Variants in MOV10 observed in about 807,000 individuals in gnomAD.
The protein encoded by MOV10 is RNA helicase MOV-10.
MOV10 carries 39 observed loss-of-function variants against 108.4 expected under a neutral mutation model. The observed-to-expected ratio is 0.36, with a 90% confidence interval of 0.28 to 0.47. The LOEUF (loss-of-function observed/expected upper bound fraction) is 0.47, where lower values mean the gene tolerates loss of function less well. Among genes scored for constraint, MOV10 ranks in the 20% least tolerant of loss-of-function variants. The pLI, the probability that MOV10 is intolerant of heterozygous loss-of-function variation, is 1.00. For synonymous variants in MOV10, 490 were observed against 523.1 expected (o/e 0.94, Z 0.86); for missense variants, 952 against 1,297.6 (o/e 0.73, Z 4.09).
rs1673915562 is a variant in MOV10 at position 112,694,779 on chromosome 1, A to G, written c.1503A>G (p.Pro501=). ...KLYDRSLESN[P]EQLQAMRHIV... The stretch of plus-strand genomic sequence containing the variant: ...ACGACCGGAGTCTGGAGTCAAACCC[A>G]GAGCAGCTGCAGGCCATGAGGCACA... The change falls in exon 10 of 21, where the codon CCA becomes CCG. Residue 501 remains proline (P), a synonymous_variant. Transcript: ENST00000369645. The surrounding 1 kb of genome is among the most constrained non-coding windows in gnomAD (Gnocchi z 4.1). The G allele has an allele frequency of 2.5e-6, 4 of 1,614,156 alleles. No homozygotes were observed. Among genetic ancestry groups the G allele is most frequent in the African/African-American group, 1.3e-5 (1 of 75,052 alleles).
intron 2 of MOV10, among the ~76,000 whole-genome samples, chr1:112,680,736 TCTGTCA>T (rs1256541188): frequency 1.4e-4 from 19 of 136,334 alleles, no homozygotes; most frequent in African/African-American, 4.8e-4. Context: ...TAAATCTCTC[TCTGTCA>T]CTTAGGCTGG....
At chr1:112,677,571 T>C (rs1468286365) in intron 2 of MOV10, among the ~76,000 whole-genome samples, 1 of 152,108 alleles carries the variant, frequency 6.6e-6, no homozygotes, top group Non-Finnish European at 1.5e-5. Flanking sequence ...CATCTCCTCC[T>C]GGTACCAAAT....
In MOV10 at chr1:112,698,618, C is replaced by T. The variant is rs1020924227; in HGVS notation, c.2509-97C>T. On this transcript the variant is annotated intron_variant, in intron 16 of 20. Transcript: ENST00000369645. The stretch of plus-strand genomic sequence containing the variant: ...TCAGAAGAGCACCAAGGTCAGCTGC[C>T]GCCTCCCTTTGTTCCCCAGCTCCCT... The T allele has an allele frequency of 6.8e-6, 10 of 1,462,436 alleles. No individual in the cohort carries two copies. In the African/African-American group the frequency reaches 9.8e-5, roughly 14 times the overall value. 90.6% of individuals were successfully genotyped at this position (1,462,436 alleles called of 1,614,324 possible). A position where few individuals can be genotyped will look rare whatever the true frequency, so the allele number is the denominator to read the frequency against.
rs750129815 is a variant in MOV10 at position 112,699,881 on chromosome 1, T to G, written c.2710-13T>G. 3.7e-6 allele frequency: 6 copies of G among 1,613,974 alleles called. No homozygotes were observed. In the African/African-American group the frequency reaches 5.3e-5, roughly 14 times the overall value. On this transcript the variant is annotated splice_polypyrimidine_tract_variant and intron_variant, in intron 18 of 20. Coordinates refer to ENST00000369645, the MANE Select transcript of MOV10 (RefSeq NM_001321324.2). Reference sequence around the variant, plus strand: ...CTCTTCCCTCCCATGACCACACCACTTCTTCCTTCCAGAGGTTCAATGTAG... The same window carrying G: ...CTCTTCCCTCCCATGACCACACCACGTCTTCCTTCCAGAGGTTCAATGTAG...
At chr1:112,685,121 G>A (rs1672967006) in intron 2 of MOV10, 1 of 151,470 alleles carries the variant, frequency 6.6e-6, no homozygotes, top group Admixed American at 6.6e-5. Context: ...CTGGGCTCAA[G>A]TGATCCTTCT....
chr1:112,674,986 G>C lies in MOV10; in HGVS notation c.74G>C (p.Gly25Ala), dbSNP rs1339040561. Reference sequence around the variant, plus strand: ...TTCGAGAGTTTCCTGGTCGTTCGGGGACTGGACATGGAGACAGATCGCGAG... The same window carrying C: ...TTCGAGAGTTTCCTGGTCGTTCGGGCACTGGACATGGAGACAGATCGCGAG... ...QCFESFLVVRGLDMETDRERL... is the reference protein window; with the variant it reads ...QCFESFLVVRALDMETDRERL... Residue 25 changes from glycine (G) to alanine (A), a missense_variant, in exon 2 of 21, where the codon GGA becomes GCA. Transcript: ENST00000369645. The C allele has an allele frequency of 6.3e-7, 1 of 1,583,282 alleles. No individual in the cohort carries two copies. Among genetic ancestry groups the C allele is most frequent in the Non-Finnish European group, 8.6e-7 (1 of 1,165,848 alleles).
intron 7 of MOV10, chr1:112,693,687 T>TTTA (rs761022743): frequency 5.8e-5 from 8 of 137,902 alleles, no homozygotes; most frequent in Non-Finnish European, 7.7e-5. Context: ...TTTTTTTTTT[T>TTTA]AATTATTTTT....
chr1:112,683,705 G>C (rs1423434620), intron 2 of MOV10, among the ~76,000 whole-genome samples: 1 of 152,162 alleles, frequency 6.6e-6, no homozygotes, highest in Non-Finnish European at 1.5e-5. Flanking sequence ...ATTTGAGTGG[G>C]TGTGGTACAT....
At chr1:112,689,377 T>TGCCCCCC in intron 3 of MOV10, 38 bp from the exon 4 acceptor site, 7 of 792,714 alleles carry the variant, frequency 8.8e-6, no homozygotes, top group African/African-American at 1.7e-5. Flanking sequence ...GTCAGACCGC[T>TGCCCCCC]CCCACCCCAA....
At chr1:112,686,794 C>T (rs767243907) in intron 2 of MOV10, among the ~76,000 whole-genome samples, 2 of 152,244 alleles carry the variant, frequency 1.3e-5, no homozygotes, top group Non-Finnish European at 2.9e-5. Context: ...TCTTCCCAGC[C>T]TTCATTCCCC....
Position 112,693,013 on chromosome 1 carries a change from G to A in MOV10, c.1140+84G>A, listed in dbSNP as rs1673723464. On this transcript the variant is annotated intron_variant, in intron 7 of 20. Coordinates refer to ENST00000369645, the MANE Select transcript of MOV10 (RefSeq NM_001321324.2). ...TGGGCAGAACTATTCCTGACAGCAG[G>A]GCAGAACAAGAGGAAAGTTGAAGTG... is the stretch of plus-strand genomic sequence containing the variant. 6 of 1,335,948 alleles carry A rather than the reference G, an allele frequency of 4.5e-6. No homozygotes were observed. In the Admixed American group the frequency reaches 1.3e-4, roughly 29 times the overall value. 82.8% of individuals were successfully genotyped at this position (1,335,948 alleles called of 1,614,324 possible).
At chr1:112,688,511 C>T in intron 2 of MOV10, 1 of 1,076,282 alleles carries the variant, frequency 9.3e-7, no homozygotes, top group African/African-American at 1.6e-5. Flanking sequence ...CCACATCCAC[C>T]CCTCTGAATC....
rs57127630 is a variant in MOV10, at chr1:112,682,800, T to C, written c.138-6135T>C. Among the ~76,000 whole-genome samples, 398 of 152,364 alleles carry C rather than the reference T, an allele frequency of 2.6e-3. 2 individuals carry two copies. The highest frequency in any genetic ancestry group is 9.2e-3 in the African/African-American group (384 of 41,582). On this transcript the variant is annotated intron_variant, in intron 2 of 20. Coordinates refer to ENST00000369645, the MANE Select transcript of MOV10 (RefSeq NM_001321324.2). ...TCATCCACAATGTATCAGTAGTTTCTTTTTTATCACTTAGTAGTATTCCAT... is the reference window on the plus strand; with the variant it reads ...TCATCCACAATGTATCAGTAGTTTCCTTTTTATCACTTAGTAGTATTCCAT...
chr1:112,674,936 G>A lies in MOV10; in HGVS notation c.24G>A (p.Arg8=). The change falls in exon 2 of 21, where the codon CGG becomes CGA. Residue 8 remains arginine (R), a synonymous_variant. Transcript: ENST00000369645. The part of the protein sequence containing the change: MPSKFSC[R]QLREAGQCFE... ...CGATGCCCAGTAAGTTCAGCTGCCG[G>A]CAGCTCCGGGAGGCGGGCCAGTGTT... The A allele has an allele frequency of 6.3e-7, 1 of 1,583,624 alleles. No homozygotes were observed. Among genetic ancestry groups the A allele is most frequent in the Admixed American group, 1.8e-5 (1 of 56,192 alleles).
chr1:112,690,309 C>T (rs1673466718), intron 5 of MOV10, among the ~76,000 whole-genome samples: 1 of 152,238 alleles, frequency 6.6e-6, no homozygotes. Flanking sequence ...GGCATTGTCC[C>T]TGTGTGATGC....
intron 2 of MOV10, among the ~76,000 whole-genome samples, chr1:112,686,234 C>T (rs780117062): frequency 2.6e-5 from 4 of 152,156 alleles, no homozygotes; most frequent in African/African-American, 4.8e-5. Flanking sequence ...ATGGACTGAA[C>T]AGGTGTCTGA....
rs1362309801 is a variant in MOV10, at chr1:112,700,632, GC to G, written c.*127del. 8 of 1,546,684 alleles carry G rather than the reference GC, an allele frequency of 5.2e-6. No homozygotes were observed. The East Asian group carries it at 2.0e-4, about 38-fold the overall frequency. On this transcript the variant is annotated 3_prime_UTR_variant, in exon 21 of 21. Coordinates refer to ENST00000369645, the MANE Select transcript of MOV10 (RefSeq NM_001321324.2). ...CTGGGGGAGGGAGTTTACAACCCAA[GC>G]CATTCCACCCCCTCCCCTGCTGGGG...
intron 2 of MOV10, among the ~76,000 whole-genome samples, chr1:112,677,379 A>G (rs1672277952): frequency 6.6e-6 from 1 of 151,210 alleles, no homozygotes; most frequent in Non-Finnish European, 1.5e-5. Flanking sequence ...GGGGAAATGT[A>G]TGTTCAGATT....
At chr1:112,693,937 T>G in intron 7 of MOV10, 81 bp from the exon 8 acceptor site, 1 of 1,366,750 alleles carries the variant, frequency 7.3e-7, no homozygotes, top group Non-Finnish European at 1.0e-6. Context: ...CCTTGTCCCT[T>G]AAAGGTCTGG....
Sources: gnomAD v4.1 joint callset for allele counts (sites outside exome capture counted in the v4.1 genomes callset) on GRCh38, gnomAD v4.1.1 for gene constraint, Gnocchi (gnomAD v3.1) non-coding constraint, MANE v1.5 for transcripts, NCBI Gene and HGNC (gene_info 2026-07-23, HGNC 2026-07-21) for gene names.